Variants in SLC35F4 observed in about 807,000 individuals in gnomAD.
The protein encoded by SLC35F4 is solute carrier family 35 member F4.
In SLC35F4, 24 loss-of-function variants were observed where a neutral mutation model predicts 44.2. That is an observed-to-expected ratio of 0.54 (90% CI 0.39 to 0.76). The LOEUF is 0.76. Among genes scored for constraint, SLC35F4 ranks in the 30% least tolerant of loss-of-function variants. SLC35F4 has a pLI of 0.00. For synonymous variants in SLC35F4, 238 were observed against 223.6 expected, an observed-to-expected ratio of 1.06 and a Z score of -0.57; for missense variants, 562 against 586.1, an observed-to-expected ratio of 0.96 and a Z score of 0.42.
In SLC35F4 at chr14:57,589,247, G is replaced by A; in HGVS notation, c.556C>T (p.Gln186Ter). The A allele has an allele frequency of 6.2e-7, 1 of 1,610,882 alleles. No individual in the cohort carries two copies. The highest frequency in any genetic ancestry group is 8.5e-7 in the Non-Finnish European group (1 of 1,178,492). ...TTTTTCATTGGAGATTGCTTTTCTTGAGCAGTGGCTAGATGACCAGAATAA... is the reference window on the plus strand; with the variant it reads ...TTTTTCATTGGAGATTGCTTTTCTTAAGCAGTGGCTAGATGACCAGAATAA... ...VYYSGHLATA[Q>*]EKQSPMKKFR... is the part of the protein sequence containing the mutation. Residue 186 changes from glutamine to a stop codon, truncating the protein, a stop_gained, in exon 3 of 8, where the codon CAA becomes TAA. Transcript: ENST00000556826. LOFTEE classifies it high-confidence loss of function.
chr14:57,639,090 C>G (rs1473089472), intron 1 of SLC35F4, among the ~76,000 whole-genome samples: 9 of 152,018 alleles, frequency 5.9e-5, no homozygotes, highest in African/African-American at 1.9e-4. Context: ...ATTTTAATGG[C>G]CCTAAGCAAA....
Position 57,852,677 on chromosome 14 carries a change from C to T in SLC35F4, c.103+13046G>A, listed in dbSNP as rs545552158. 1.4e-4 allele frequency among the ~76,000 whole-genome samples: 21 copies of T among 152,326 alleles called. No homozygotes were observed. In the Middle Eastern group the frequency reaches 0.01, roughly 74 times the overall value. ...TTAGATGCAGTACCGCTTCTTCAGA[C>T]CCTGTCACCATAACTCCAGCAGGGA... On this transcript the variant is annotated intron_variant, in intron 1 of 7. Transcript: ENST00000556826.
chr14:57,612,802 G>C (rs1400323880), intron 1 of SLC35F4, among the ~76,000 whole-genome samples: 2 of 152,190 alleles, frequency 1.3e-5, no homozygotes, highest in African/African-American at 4.8e-5. Flanking sequence ...AAATGAACAA[G>C]AGTAGCAATA....
At chr14:57,646,581 T>G (rs2073530576) in intron 1 of SLC35F4, among the ~76,000 whole-genome samples, 1 of 152,230 alleles carries the variant, frequency 6.6e-6, no homozygotes, top group Admixed American at 6.5e-5. Context: ...AGTTCCTGGA[T>G]TCATTGATTT....
chr14:57,924,132 C>A (rs1297057423), intron 1 of SLC35F4, among the ~76,000 whole-genome samples: 1 of 152,206 alleles, frequency 6.6e-6, no homozygotes, highest in Non-Finnish European at 1.5e-5. Context: ...GAGGCCTCAC[C>A]AGCCATGTGG....
At chr14:57,871,687 C>T (rs1888299713) in intron 1 of SLC35F4, among the ~76,000 whole-genome samples, 1 of 152,184 alleles carries the variant, frequency 6.6e-6, no homozygotes, top group Non-Finnish European at 1.5e-5. Context: ...CAGGACTGCA[C>T]TTCCTGCCCC....
In SLC35F4 at chr14:57,856,524, T is replaced by C. The variant is rs150519722; in HGVS notation, c.103+9199A>G. 8.9e-4 allele frequency among the ~76,000 whole-genome samples: 136 copies of C among 152,140 alleles called. 4 individuals carry two copies. Among genetic ancestry groups the C allele is most frequent in the African/African-American group, 3.0e-3 (126 of 41,420 alleles). On this transcript the variant is annotated intron_variant, in intron 1 of 7. Transcript: ENST00000556826. ...TTGCATTACAAATATCCAGTTTATA[T>C]GTAAATTTATATTTTAAATGCAAAA...
intron 1 of SLC35F4, among the ~76,000 whole-genome samples, chr14:57,856,770 A>T (rs1248597381): frequency 6.6e-6 from 1 of 152,088 alleles, no homozygotes; most frequent in Non-Finnish European, 1.5e-5. Context: ...GGGTATAAAC[A>T]TAATATGAAC....
intron 1 of SLC35F4, among the ~76,000 whole-genome samples, chr14:57,663,433 T>C (rs1159025303): frequency 6.6e-6 from 1 of 152,158 alleles, no homozygotes; most frequent in Non-Finnish European, 1.5e-5. Context: ...TGACCTTACC[T>C]AGAATTATCC....
intron 1 of SLC35F4, among the ~76,000 whole-genome samples, chr14:57,671,147 A>G (rs2074507655): frequency 6.6e-6 from 1 of 151,888 alleles, no homozygotes; most frequent in Non-Finnish European, 1.5e-5. Flanking sequence ...CAACTCACCC[A>G]TTCTTTCATA....
intron 1 of SLC35F4, among the ~76,000 whole-genome samples, chr14:57,801,201 G>A (rs2078185414): frequency 6.6e-6 from 1 of 152,138 alleles, no homozygotes; most frequent in Non-Finnish European, 1.5e-5. Flanking sequence ...GAAGAGATTG[G>A]GGACCAATAT....
chr14:57,772,547 C>T (rs1439671786), intron 1 of SLC35F4, among the ~76,000 whole-genome samples: 3 of 151,940 alleles, frequency 2.0e-5, no homozygotes, highest in South Asian at 2.1e-4. Context: ...TTTTGGAGTC[C>T]CCAGTGTCTA....
chr14:57,826,062 C>T (rs1263387412), intron 1 of SLC35F4, among the ~76,000 whole-genome samples: 1 of 152,116 alleles, frequency 6.6e-6, no homozygotes, highest in Non-Finnish European at 1.5e-5. Flanking sequence ...CCAAGACAAT[C>T]CTAAGCAAAA....
intron 1 of SLC35F4, among the ~76,000 whole-genome samples, chr14:57,962,986 A>AG (rs1298497728): frequency 6.6e-6 from 1 of 152,170 alleles, no homozygotes; most frequent in African/African-American, 2.4e-5. Flanking sequence ...AAGAAAAAAA[A>AG]TACTGCTCTG....
chr14:57,862,476 G>A (rs1398351036), intron 1 of SLC35F4, among the ~76,000 whole-genome samples: 1 of 152,064 alleles, frequency 6.6e-6, no homozygotes, highest in Non-Finnish European at 1.5e-5. Flanking sequence ...GACCTCTAAG[G>A]CCCTCCTTTA....
intron 1 of SLC35F4, among the ~76,000 whole-genome samples, chr14:57,645,261 T>G (rs112618390): frequency 6.6e-6 from 1 of 152,352 alleles, no homozygotes; most frequent in South Asian, 2.1e-4. Flanking sequence ...GAGCATGGAA[T>G]GTTCTTCCTT....
chr14:57,901,011 CA>C (rs996958610), intron 1 of SLC35F4, among the ~76,000 whole-genome samples: 1 of 151,998 alleles, frequency 6.6e-6, no homozygotes, highest in African/African-American at 2.4e-5. Flanking sequence ...GTTAAAAAAT[CA>C]AAAAACAGCA....
chr14:57,681,453 T>C (rs553486744), intron 1 of SLC35F4, among the ~76,000 whole-genome samples: 1 of 152,154 alleles, frequency 6.6e-6, no homozygotes, highest in South Asian at 2.1e-4. Flanking sequence ...ATTCAGGACA[T>C]TGGCAAATAA....
intron 4 of SLC35F4, chr14:57,579,448 A>G (rs1420239820): frequency 2.2e-5 from 3 of 137,290 alleles, no homozygotes. Context: ...AACCTCTTGC[A>G]TCAGTGAGGT....
Sources: gnomAD v4.1 joint callset for allele counts (sites outside exome capture counted in the v4.1 genomes callset) on GRCh38, gnomAD v4.1.1 for gene constraint, MANE v1.5 for transcripts, NCBI Gene and HGNC (gene_info 2026-07-23, HGNC 2026-07-21) for gene names.